The following MFAP3 variants were observed in gnomAD, a reference collection of about 807,000 sequenced individuals.
MFAP3 encodes the protein microfibril-associated glycoprotein 3.
A neutral mutation model predicts 20.5 loss-of-function variants in MFAP3; 8 were observed. That is an observed-to-expected ratio of 0.39 (90% confidence interval 0.23 to 0.70). The LOEUF (loss-of-function observed/expected upper bound fraction) is 0.70. Among genes scored for constraint, MFAP3 ranks in the 30% least tolerant of loss-of-function variants. The pLI is 0.44. For synonymous variants in MFAP3, 140 were observed against 154.0 expected (o/e 0.91, Z 0.67); for missense variants, 398 against 444.6 (o/e 0.90, Z 0.94).
rs1398512678 is a variant in MFAP3 at position 154,053,460 on chromosome 5, C to T, written c.836C>T (p.Ala279Val). 1 of 1,613,870 alleles carries T rather than the reference C, an allele frequency of 6.2e-7. No homozygotes were observed. The highest frequency in any genetic ancestry group is 1.1e-5 in the South Asian group (1 of 91,062). ...ATTAAAGAGAGACCTGCCTTGAATG[C>T]TCAAGGTGGCATCTATGTCATTAAC... ...ERIKERPALN[A>V]QGGIYVINPE... is the part of the protein sequence containing the mutation. Residue 279 changes from alanine (A) to valine (V), a missense_variant, in exon 3 of 3, where the codon GCT becomes GTT. Coordinates refer to ENST00000522782, the MANE Select transcript of MFAP3 (RefSeq NM_005927.5).
chr5:154,053,920 T>G lies in MFAP3; in HGVS notation c.*207T>G, dbSNP rs1773268193. The G allele has an allele frequency of 5.6e-6, 3 of 534,186 alleles. No homozygotes were observed. The Admixed American group carries it at 1.0e-4, about 18-fold the overall frequency. The allele number at this position is 534,186 out of a possible 1,614,324, so 33.1% of individuals were successfully genotyped here. On this transcript the variant is annotated 3_prime_UTR_variant, in exon 3 of 3. Transcript: ENST00000522782. ...ACTTTTCAGTCATTTTCCTTAGAGC[T>G]TTATTAAATTATGCATGCTAAGATT...
chr5:154,046,589 A>G (rs1773077163), intron 1 of MFAP3, among the ~76,000 whole-genome samples: 1 of 152,104 alleles, frequency 6.6e-6, no homozygotes, highest in South Asian at 2.1e-4. Context: ...CTCTGAATTT[A>G]TGTAGGAGGA....
intron 2 of MFAP3, 62 bp downstream of exon 2, chr5:154,050,079 T>C (rs1773153055): frequency 6.6e-7 from 1 of 1,507,538 alleles, no homozygotes; most frequent in African/African-American, 1.4e-5. Context: ...TCTTATTTTT[T>C]AACACGTTAA....
chr5:154,041,756 C>T (rs1336192365), intron 1 of MFAP3, among the ~76,000 whole-genome samples: 2 of 152,112 alleles, frequency 1.3e-5, no homozygotes, highest in Non-Finnish European at 2.9e-5. Flanking sequence ...TTAAGGAGAT[C>T]CATTCTGAAA....
rs781257290 is a variant in MFAP3, at chr5:154,053,439, A to G, written c.815A>G (p.Lys272Arg). ...DDPDDLGERI[K>R]ERPALNAQGG... ...CCTGATGACCTGGGTGAAAGAATTA[A>G]AGAGAGACCTGCCTTGAATGCTCAA... is the stretch of plus-strand genomic sequence containing the variant. Residue 272 changes from lysine to arginine, a missense_variant, in exon 3 of 3, where the codon AAA becomes AGA. Lys to Arg is a conservative substitution (Grantham distance 26). Coordinates refer to ENST00000522782, the MANE Select transcript of MFAP3 (RefSeq NM_005927.5). The G allele has an allele frequency of 2.5e-6, 4 of 1,613,854 alleles. No homozygotes were observed. The highest frequency in any genetic ancestry group is 1.1e-5 in the South Asian group (1 of 91,076).
chr5:154,043,985 T>G (rs1773020865), intron 1 of MFAP3, among the ~76,000 whole-genome samples: 1 of 152,234 alleles, frequency 6.6e-6, no homozygotes, highest in Non-Finnish European at 1.5e-5. Flanking sequence ...TGAATTGCAT[T>G]CCTAGAACTG....
intron 1 of MFAP3, among the ~76,000 whole-genome samples, chr5:154,047,073 C>T (rs770920582): frequency 3.9e-5 from 6 of 152,022 alleles, no homozygotes; most frequent in Non-Finnish European, 8.8e-5. Flanking sequence ...GACCAGTGAC[C>T]CCTCTCATTT....
At chr5:154,047,801 GA>G (rs1436186873) in intron 1 of MFAP3, among the ~76,000 whole-genome samples, 4 of 152,172 alleles carry the variant, frequency 2.6e-5, no homozygotes, top group Non-Finnish European at 4.4e-5. Flanking sequence ...TGAAGTTTGG[GA>G]AGTGCTGCCC....
chr5:154,041,974 A>C (rs1772964289), intron 1 of MFAP3, among the ~76,000 whole-genome samples: 1 of 152,242 alleles, frequency 6.6e-6, no homozygotes, highest in Non-Finnish European at 1.5e-5. Flanking sequence ...TGTGAAAACT[A>C]AGGCCTTGCA....
rs1773301406 is a variant in MFAP3 at position 154,055,287 on chromosome 5, C to G, written c.*1574C>G. Reference sequence around the variant, plus strand: ...TTCAAACAGGGGAAGACAGGAAATTCAAAGCGTGACGGGATAAAACTCATG... The same window carrying G: ...TTCAAACAGGGGAAGACAGGAAATTGAAAGCGTGACGGGATAAAACTCATG... On this transcript the variant is annotated 3_prime_UTR_variant, in exon 3 of 3. Coordinates refer to ENST00000522782, the MANE Select transcript of MFAP3 (RefSeq NM_005927.5). Among the ~76,000 whole-genome samples the G allele has an allele frequency of 6.6e-6, 1 of 152,172 alleles. No individual in the cohort carries two copies. Among genetic ancestry groups the G allele is most frequent in the Non-Finnish European group, 1.5e-5 (1 of 68,022 alleles).
chr5:154,054,541 T>C lies in MFAP3; in HGVS notation c.*828T>C, dbSNP rs1326392545. The C allele has an allele frequency of 6.0e-6, 1 of 167,012 alleles. No individual in the cohort carries two copies. Among genetic ancestry groups the C allele is most frequent in the Non-Finnish European group, 1.5e-5 (1 of 68,112 alleles). 10.3% of individuals were successfully genotyped at this position (167,012 alleles called of 1,614,324 possible). On this transcript the variant is annotated 3_prime_UTR_variant, in exon 3 of 3. Coordinates refer to ENST00000522782, the MANE Select transcript of MFAP3 (RefSeq NM_005927.5). ...AGTTTATTTCTAAGGTATAACGTCTTTGATGCTTTTAGAATAAGAACAGTG... is the reference window on the plus strand; with the variant it reads ...AGTTTATTTCTAAGGTATAACGTCTCTGATGCTTTTAGAATAAGAACAGTG...
Position 154,049,764 on chromosome 5 carries a change from T to TA in MFAP3, c.43dup (p.Ile15AsnfsTer24). 1 of 1,613,662 alleles carries TA rather than the reference T, an allele frequency of 6.2e-7. No homozygotes were observed. On this transcript the variant is annotated frameshift_variant, in exon 2 of 3. Transcript: ENST00000522782. LOFTEE classifies it high-confidence loss of function. The stretch of plus-strand genomic sequence containing the variant: ...GCTTATTCACTTTAGTGGCAAGTAT[T>TA]ATTGTGCCAGCTGCTTTTGTTTTGG...
chr5:154,050,778 A>G (rs984145988), intron 2 of MFAP3, among the ~76,000 whole-genome samples: 5 of 152,036 alleles, frequency 3.3e-5, no homozygotes, highest in African/African-American at 1.2e-4. Flanking sequence ...ATCTGTGAAT[A>G]TATCTTAATC....
At chr5:154,044,603 C>A (rs956809361) in intron 1 of MFAP3, among the ~76,000 whole-genome samples, 5 of 152,196 alleles carry the variant, frequency 3.3e-5, no homozygotes, top group Admixed American at 2.6e-4. Context: ...GTTTCTTCTG[C>A]CATGTTTGGC....
At position 154,056,917 on chromosome 5, in the gene MFAP3, C is replaced by T. The variant is rs1201783060; in HGVS notation, c.*3204C>T. Among the ~76,000 whole-genome samples, 1 of 152,210 alleles carries T rather than the reference C, an allele frequency of 6.6e-6. No individual in the cohort carries two copies. Among genetic ancestry groups the T allele is most frequent in the East Asian group, 1.9e-4 (1 of 5,206 alleles). Reference sequence around the variant, plus strand: ...CTGACCTGGAACGGTTGTGAGAAGACTCCTGGCTTCTTTCTTGCCTCACTT... The same window carrying T: ...CTGACCTGGAACGGTTGTGAGAAGATTCCTGGCTTCTTTCTTGCCTCACTT... On this transcript the variant is annotated 3_prime_UTR_variant, in exon 3 of 3. Coordinates refer to ENST00000522782, the MANE Select transcript of MFAP3 (RefSeq NM_005927.5).
At chr5:154,047,560 G>T (rs1773095776) in intron 1 of MFAP3, among the ~76,000 whole-genome samples, 1 of 85,628 alleles carries the variant, frequency 1.2e-5, no homozygotes, top group East Asian at 8.5e-4. Context: ...CCAGCTCAAA[G>T]CCTTTCAGCA....
At position 154,055,993 on chromosome 5, in the gene MFAP3, A is replaced by G. The variant is rs1448238741; in HGVS notation, c.*2280A>G. The stretch of plus-strand genomic sequence containing the variant: ...ATAGTACTTTCAACCCTGTCCTAAC[A>G]TAGCAGGTTTGCAGTAATCTTTTAG... On this transcript the variant is annotated 3_prime_UTR_variant, in exon 3 of 3. Transcript: ENST00000522782. Among the ~76,000 whole-genome samples the G allele has an allele frequency of 6.6e-6, 1 of 152,188 alleles. No homozygotes were observed. Among genetic ancestry groups the G allele is most frequent in the Non-Finnish European group, 1.5e-5 (1 of 68,036 alleles).
chr5:154,053,654 G>T lies in MFAP3; in HGVS notation c.1030G>T (p.Gly344Ter). The T allele has an allele frequency of 6.2e-7, 1 of 1,613,856 alleles. No homozygotes were observed. Among genetic ancestry groups the T allele is most frequent in the Non-Finnish European group, 8.5e-7 (1 of 1,179,872 alleles). Reference protein sequence around the residue: ...SSHFSPPDDIGSAESNCNYKD... With the variant: ...SSHFSPPDDI ...TCATTTCAGTCCACCTGATGATATA[G>T]GATCTGCAGAATCTAACTGTAACTA... Residue 344 changes from glycine (G) to a stop codon, truncating the protein, a stop_gained, in exon 3 of 3, where the codon GGA becomes TGA. Coordinates refer to ENST00000522782, the MANE Select transcript of MFAP3 (RefSeq NM_005927.5). LOFTEE classifies it low-confidence loss of function (END_TRUNC).
At position 154,041,742 on chromosome 5, in the gene MFAP3, G is replaced by T. The variant is rs940173209; in HGVS notation, c.-167+2731G>T. Reference sequence around the variant, plus strand: ...GTTTGGATACATCATAGAGGTAAAAGGAGTTAAGGAGATCCATTCTGAAAT... The same window carrying T: ...GTTTGGATACATCATAGAGGTAAAATGAGTTAAGGAGATCCATTCTGAAAT... On this transcript the variant is annotated intron_variant, in intron 1 of 2. Transcript: ENST00000522782. Among the ~76,000 whole-genome samples, 14 of 152,266 alleles carry T rather than the reference G, an allele frequency of 9.2e-5. 1 individual carries two copies. Among genetic ancestry groups the T allele is most frequent in the Admixed American group, 4.6e-4 (7 of 15,298 alleles).
Sources: allele counts gnomAD v4.1 joint callset (sites outside exome capture counted in the v4.1 genomes callset), GRCh38; gene constraint gnomAD v4.1.1; transcripts MANE v1.5; gene names NCBI Gene and HGNC (gene_info 2026-07-23, HGNC 2026-07-21).